Variants in JADE1 observed in about 807,000 individuals in gnomAD.
JADE1 encodes the protein jade family PHD finger 1.
JADE1 carries 14 observed loss-of-function variants against 81.8 expected under a neutral mutation model. That is an observed-to-expected ratio of 0.17 (90% CI 0.11 to 0.27). JADE1 has a LOEUF of 0.27. Ranked by LOEUF, JADE1 falls within the 10% of genes least tolerant of loss-of-function variation. The pLI, the probability that JADE1 is intolerant of heterozygous loss-of-function variation, is 1.00. For missense variants in JADE1, 690 were observed against 1,047.9 expected, an observed-to-expected ratio of 0.66 and a Z score of 4.71; for synonymous variants, 353 against 391.9, an observed-to-expected ratio of 0.90 and a Z score of 1.17.
In JADE1 at chr4:128,849,214, A is replaced by T. The variant is rs892544370; in HGVS notation, c.484+47A>T. 2.7e-6 allele frequency: 4 copies of T among 1,504,944 alleles called. No homozygotes were observed. In the African/African-American group the frequency reaches 5.6e-5, roughly 21 times the overall value. The allele number at this position is 1,504,944 out of a possible 1,614,324, so 93.2% of individuals were successfully genotyped here. On this transcript the variant is annotated intron_variant, in intron 5 of 10. Transcript: ENST00000226319. The stretch of plus-strand genomic sequence containing the variant: ...TATTTTATTAACCAATGATGAATAG[A>T]GACATTTTAGGCAGGTAGGTGAGTA...
At chr4:128,814,456 C>A (rs1726801287) in intron 1 of JADE1, among the ~76,000 whole-genome samples, 1 of 152,060 alleles carries the variant, frequency 6.6e-6, no homozygotes, top group South Asian at 2.1e-4. Flanking sequence ...AAACAAATTG[C>A]TACCATCCAT....
intron 5 of JADE1, among the ~76,000 whole-genome samples, chr4:128,850,181 C>T (rs1459536497): frequency 6.6e-6 from 1 of 151,958 alleles, no homozygotes; most frequent in Non-Finnish European, 1.5e-5. Context: ...GTGGTCCCAG[C>T]CACTCAGGAG....
chr4:128,811,942 G>A (rs920775176), intron 1 of JADE1: 1 of 151,640 alleles, frequency 6.6e-6, no homozygotes, highest in Non-Finnish European at 1.5e-5. Context: ...TCTTAAAACC[G>A]TTTCTCGCCG....
chr4:128,831,286 C>T (rs530588053), intron 1 of JADE1: 1 of 155,690 alleles, frequency 6.4e-6, no homozygotes, highest in Admixed American at 6.4e-5. Context: ...TAATCATGCC[C>T]AGTGCAGTGT....
At chr4:128,831,206 A>C (rs1014909646) in intron 1 of JADE1, among the ~76,000 whole-genome samples, 4 of 152,134 alleles carry the variant, frequency 2.6e-5, no homozygotes, top group Non-Finnish European at 4.4e-5. Context: ...AGACATTTGC[A>C]TTCCATTACC....
Position 128,862,034 on chromosome 4 carries a change from A to G in JADE1, c.1312A>G (p.Arg438Gly). 1 of 1,614,216 alleles carries G rather than the reference A, an allele frequency of 6.2e-7. No homozygotes were observed. The highest frequency in any genetic ancestry group is 8.5e-7 in the Non-Finnish European group (1 of 1,180,028). ...YTFVNLLDVA[R>G]ALRLPEEVVD... ...CTTCGTCAACCTGCTGGATGTTGCC[A>G]GGGCTCTGCGGCTGCCTGAGGAAGT... Residue 438 changes from arginine (R) to glycine (G), a missense_variant, in exon 9 of 11, where the codon AGG becomes GGG. This residue lies in a region of JADE1 where 63 missense variants were observed against 138.4 expected (regional missense o/e 0.46). Coordinates refer to ENST00000226319, the MANE Select transcript of JADE1 (RefSeq NM_199320.4).
In JADE1 at chr4:128,857,465, T is replaced by G; in HGVS notation, c.981+11T>G. On this transcript the variant is annotated intron_variant, in intron 8 of 10. Transcript: ENST00000226319. ...GGGGCCTCTATACAGGTAATTAGCT[T>G]CCTAAGAATGGCTTCATTTTCCTTT... The G allele has an allele frequency of 6.3e-7, 1 of 1,591,824 alleles. No individual in the cohort carries two copies. The highest frequency in any genetic ancestry group is 8.6e-7 in the Non-Finnish European group (1 of 1,160,130).
intron 2 of JADE1, among the ~76,000 whole-genome samples, chr4:128,842,435 G>A (rs1426902798): frequency 6.6e-6 from 1 of 152,034 alleles, no homozygotes; most frequent in Non-Finnish European, 1.5e-5. Flanking sequence ...GAGTAGGTGG[G>A]ATTACAGGTG....
At chr4:128,815,365 T>G (rs1189219921) in intron 1 of JADE1, among the ~76,000 whole-genome samples, 3 of 151,948 alleles carry the variant, frequency 2.0e-5, no homozygotes, top group Non-Finnish European at 2.9e-5. Context: ...CTCCCAAAGT[T>G]CTGGGGTTAC....
chr4:128,844,702 T>G (rs879395804), intron 3 of JADE1, among the ~76,000 whole-genome samples: 1 of 152,146 alleles, frequency 6.6e-6, no homozygotes, highest in Non-Finnish European at 1.5e-5. Flanking sequence ...GCTCTATGCT[T>G]GAAGGGAAGG....
chr4:128,810,847 T>C (rs950821204), intron 1 of JADE1, among the ~76,000 whole-genome samples: 4 of 152,064 alleles, frequency 2.6e-5, no homozygotes, highest in African/African-American at 9.7e-5. Context: ...TAAAACCCCT[T>C]AATCGATGAA....
chr4:128,849,211 T>C (rs757664875), intron 5 of JADE1, 44 bp downstream of exon 5: 15 of 1,515,496 alleles, frequency 9.9e-6, no homozygotes, highest in Non-Finnish European at 1.3e-5. Flanking sequence ...CAATGATGAA[T>C]AGAGACATTT....
At chr4:128,813,773 T>G (rs944244656) in intron 1 of JADE1, among the ~76,000 whole-genome samples, 4 of 152,066 alleles carry the variant, frequency 2.6e-5, no homozygotes, top group African/African-American at 9.7e-5. Context: ...TTTTGCTGTC[T>G]TCTTCAAAGT....
At chr4:128,828,618 T>A (rs533687686) in intron 1 of JADE1, among the ~76,000 whole-genome samples, 19 of 152,304 alleles carry the variant, frequency 1.2e-4, no homozygotes, top group African/African-American at 4.6e-4. Flanking sequence ...TTTTTACTCT[T>A]CTTTTACTTG....
intron 2 of JADE1, among the ~76,000 whole-genome samples, chr4:128,836,278 G>A (rs1728972340): frequency 6.6e-6 from 1 of 151,880 alleles, no homozygotes; most frequent in Non-Finnish European, 1.5e-5. Flanking sequence ...ACTGTTAACC[G>A]GAAGCCTTAC....
At chr4:128,815,586 GATGT>G in intron 1 of JADE1, among the ~76,000 whole-genome samples, 1 of 152,310 alleles carries the variant, frequency 6.6e-6, no homozygotes, top group East Asian at 1.9e-4. Flanking sequence ...AGATTTATCA[GATGT>G]TTGTGTTTCA....
intron 1 of JADE1, among the ~76,000 whole-genome samples, chr4:128,829,069 A>G (rs1728314262): frequency 2.0e-5 from 3 of 152,302 alleles, no homozygotes; most frequent in South Asian, 4.1e-4. Flanking sequence ...GAGGGGACCC[A>G]GAGGTGCATT....
intron 1 of JADE1, among the ~76,000 whole-genome samples, chr4:128,824,157 G>A (rs886512933): frequency 6.6e-6 from 1 of 152,114 alleles, no homozygotes; most frequent in Non-Finnish European, 1.5e-5. Context: ...GGTGGCTCAC[G>A]CCTGTAATCC....
chr4:128,864,099 A>C, intron 9 of JADE1: 1 of 984,594 alleles, frequency 1.0e-6, no homozygotes, highest in Non-Finnish European at 1.2e-6. Flanking sequence ...GGCATTACTT[A>C]CATTTACTTT....
Sources: allele counts gnomAD v4.1 joint callset (sites outside exome capture counted in the v4.1 genomes callset), GRCh38; gene constraint gnomAD v4.1.1; regional missense constraint gnomAD v4.1.1; transcripts MANE v1.5; gene names NCBI Gene and HGNC (gene_info 2026-07-23, HGNC 2026-07-21).